The following ATF2 variants were observed in gnomAD, a reference collection of about 807,000 sequenced individuals.
ATF2 encodes the protein cyclic AMP-dependent transcription factor ATF-2.
Under a neutral mutation model 60.6 loss-of-function variants are expected in ATF2, and 24 were observed. That is an observed-to-expected ratio of 0.40 (90% CI 0.29 to 0.56). The LOEUF (loss-of-function observed/expected upper bound fraction) is 0.56, where lower values mean the gene tolerates loss of function less well. Among genes scored for constraint, ATF2 ranks in the 20% least tolerant of loss-of-function variants. ATF2 has a pLI of 0.54. For missense variants in ATF2, 433 were observed against 607.7 expected, an observed-to-expected ratio of 0.71 and a Z score of 3.02; for synonymous variants, 206 against 215.4, an observed-to-expected ratio of 0.96 and a Z score of 0.38.
chr2:175,102,050 T>C (rs188590520), intron 10 of ATF2, among the ~76,000 whole-genome samples: 105 of 152,274 alleles, frequency 6.9e-4, no homozygotes, highest in Admixed American at 1.2e-3. Flanking sequence ...TTAGGAGCAT[T>C]TGAAGAAGGC....
At chr2:175,100,747 C>T (rs1429730468) in intron 10 of ATF2, among the ~76,000 whole-genome samples, 3 of 152,178 alleles carry the variant, frequency 2.0e-5, no homozygotes, top group Admixed American at 1.3e-4. Context: ...AAGTTACTTC[C>T]TCCTTCCTTT....
At chr2:175,086,184 T>G (rs986950133) in intron 12 of ATF2, among the ~76,000 whole-genome samples, 1 of 152,202 alleles carries the variant, frequency 6.6e-6, no homozygotes, top group Non-Finnish European at 1.5e-5. Context: ...ATGATGATTC[T>G]GAAGCTCAAA....
chr2:175,159,082 C>T (rs1351570705), intron 1 of ATF2, among the ~76,000 whole-genome samples: 1 of 152,048 alleles, frequency 6.6e-6, no homozygotes, highest in East Asian at 1.9e-4. Flanking sequence ...CTTTGGGAGG[C>T]CAAGGTAGGC....
intron 12 of ATF2, chr2:175,092,467 G>A (rs1440192595): frequency 4.8e-6 from 1 of 206,840 alleles, no homozygotes; most frequent in Admixed American, 6.1e-5. Flanking sequence ...TACTCCATGA[G>A]GTTTTAAGAA....
At chr2:175,105,087 T>C (rs370656663) in intron 10 of ATF2, among the ~76,000 whole-genome samples, 40 of 152,298 alleles carry the variant, frequency 2.6e-4, no homozygotes, top group African/African-American at 8.9e-4. Context: ...GAGAGAATTA[T>C]TGAGTACATA....
chr2:175,132,892 C>T (rs1324937797), intron 3 of ATF2: 1 of 152,116 alleles, frequency 6.6e-6, no homozygotes, highest in Non-Finnish European at 1.5e-5. Context: ...TCGAGACAAG[C>T]CTGGCCAACA....
At chr2:175,154,878 C>CA (rs1699569719) in intron 1 of ATF2, among the ~76,000 whole-genome samples, 1 of 152,132 alleles carries the variant, frequency 6.6e-6, no homozygotes, top group Non-Finnish European at 1.5e-5. Context: ...AAACAGGGCC[C>CA]AAAAAGTAGG....
intron 5 of ATF2, 62 bp from the exon 6 acceptor site, chr2:175,118,431 C>A: frequency 7.4e-7 from 1 of 1,345,348 alleles, no homozygotes; most frequent in Non-Finnish European, 1.0e-6. Context: ...TAAAATATAG[C>A]TACTAAGTTA....
intron 2 of ATF2, among the ~76,000 whole-genome samples, chr2:175,141,416 T>C (rs566231374): frequency 6.6e-6 from 1 of 152,248 alleles, no homozygotes; most frequent in East Asian, 1.9e-4. Context: ...CATGAAGCTT[T>C]ATCTTCAACA....
Position 175,074,512 on chromosome 2 carries a change from C to A in ATF2, c.*97G>T. ...ATTTCAAGTAAAAAAAAAAAATTTA[C>A]AACCACAGATTTCGCATAAATGGAA... On this transcript the variant is annotated 3_prime_UTR_variant, in exon 14 of 14. Transcript: ENST00000264110. 2 of 1,399,386 alleles carry A rather than the reference C, an allele frequency of 1.4e-6. No individual in the cohort carries two copies. Among genetic ancestry groups the A allele is most frequent in the South Asian group, 1.5e-5 (1 of 65,324 alleles). 86.7% of individuals were successfully genotyped at this position (1,399,386 alleles called of 1,614,324 possible).
chr2:175,131,203 A>G (rs1157656442), intron 3 of ATF2, among the ~76,000 whole-genome samples: 1 of 152,226 alleles, frequency 6.6e-6, no homozygotes, highest in Non-Finnish European at 1.5e-5. Flanking sequence ...TAGCCTATGG[A>G]CAACTTGATA....
chr2:175,105,921 G>T (rs1222226756), intron 10 of ATF2, among the ~76,000 whole-genome samples: 1 of 151,974 alleles, frequency 6.6e-6, no homozygotes, highest in African/African-American at 2.4e-5. Flanking sequence ...AATCACAGGA[G>T]AAATTAAAAA....
At chr2:175,088,764 T>C (rs901705232) in intron 12 of ATF2, among the ~76,000 whole-genome samples, 1 of 152,084 alleles carries the variant, frequency 6.6e-6, no homozygotes, top group African/African-American at 2.4e-5. Flanking sequence ...TAAGGAAACA[T>C]GCTACATTTA....
chr2:175,145,514 G>A (rs946573204), intron 2 of ATF2, among the ~76,000 whole-genome samples: 2 of 152,182 alleles, frequency 1.3e-5, no homozygotes, highest in African/African-American at 4.8e-5. Flanking sequence ...TGCCATGCTT[G>A]TATAGCCTGT....
intron 1 of ATF2, among the ~76,000 whole-genome samples, chr2:175,151,998 G>GAACTAAAA (rs762625804): frequency 2.0e-5 from 3 of 152,142 alleles, no homozygotes; most frequent in Non-Finnish European, 2.9e-5. Flanking sequence ...TCATGGCTTA[G>GAACTAAAA]AACTTAATCA....
In ATF2 at chr2:175,114,739, T is replaced by C. The variant is rs762312647; in HGVS notation, c.577A>G (p.Thr193Ala). ...GCCTGGGTGATTACAGTACTTGAGG[T>C]TGGTGAAGGTACTGCCTGCTGAATA... is the stretch of plus-strand genomic sequence containing the variant. ...VIIQQAVPSP[T>A]SSTVITQAPS... Residue 193 changes from threonine (T) to alanine (A), a missense_variant, in exon 8 of 14, where the codon ACC becomes GCC. By Grantham distance (58) the Thr-to-Ala change is moderately conservative. This residue lies in a region of ATF2 where 246 missense variants were observed against 309.3 expected (regional missense o/e 0.80). Transcript: ENST00000264110. 7 of 1,613,970 alleles carry C rather than the reference T, an allele frequency of 4.3e-6. No individual in the cohort carries two copies. Among genetic ancestry groups the C allele is most frequent in the Admixed American group, 1.7e-5 (1 of 60,014 alleles).
chr2:175,149,727 T>TG (rs989166570), intron 2 of ATF2, among the ~76,000 whole-genome samples: 4 of 152,312 alleles, frequency 2.6e-5, no homozygotes, highest in African/African-American at 9.6e-5. Flanking sequence ...GACCCTTGCA[T>TG]GGACTGACCA....
At chr2:175,131,358 T>G (rs879707866) in intron 3 of ATF2, among the ~76,000 whole-genome samples, 2 of 152,188 alleles carry the variant, frequency 1.3e-5, no homozygotes, top group Admixed American at 6.6e-5. Context: ...TCATCAACTC[T>G]TCTTACATCC....
rs1253679263 is a variant in ATF2, at chr2:175,072,525, A to G, written c.*2084T>C. The stretch of plus-strand genomic sequence containing the variant: ...TTTACATGACTTCTTACATCTATGT[A>G]GTTTTATTTTACAGTTGCAAGAATT... On this transcript the variant is annotated 3_prime_UTR_variant, in exon 14 of 14. Transcript: ENST00000264110. The G allele has an allele frequency of 2.0e-5, 3 of 152,158 alleles. No individual in the cohort carries two copies. Among genetic ancestry groups the G allele is most frequent in the South Asian group, 2.1e-4 (1 of 4,836 alleles). 9.4% of individuals were successfully genotyped at this position (152,158 alleles called of 1,614,324 possible). A position where few individuals can be genotyped will look rare whatever the true frequency, so the allele number is the denominator to read the frequency against.
Sources: allele counts gnomAD v4.1 joint callset (sites outside exome capture counted in the v4.1 genomes callset), GRCh38; gene constraint gnomAD v4.1.1; regional missense constraint gnomAD v4.1.1; transcripts MANE v1.5; gene names NCBI Gene and HGNC (gene_info 2026-07-23, HGNC 2026-07-21).